Variants in ANO2 observed in about 807,000 individuals in gnomAD.
ANO2 encodes anoctamin 2.
A neutral mutation model predicts 124.2 loss-of-function variants in ANO2; 101 were observed. The observed-to-expected ratio is 0.81, with a 90% CI of 0.69 to 0.96. The LOEUF (loss-of-function observed/expected upper bound fraction) is 0.96, where lower values mean the gene tolerates loss of function less well. Among genes scored for constraint, ANO2 ranks in the 40% least tolerant of loss-of-function variants. The pLI is 0.00. For synonymous variants in ANO2, 486 were observed against 482.5 expected (o/e 1.01, Z -0.09); for missense variants, 1,293 against 1,274.5 (o/e 1.01, Z -0.22).
At chr12:5,770,859 C>T (rs929672490) in intron 10 of ANO2, among the ~76,000 whole-genome samples, 1 of 152,220 alleles carries the variant, frequency 6.6e-6, no homozygotes, top group African/African-American at 2.4e-5. Context: ...AGACACACCA[C>T]ACCTGCTCCC....
chr12:5,578,265 C>T (rs891616965), intron 21 of ANO2, 101 bp downstream of exon 21: 6 of 1,484,578 alleles, frequency 4.0e-6, no homozygotes, highest in Admixed American at 4.0e-5. Flanking sequence ...GGAAGAGGGG[C>T]TTTCCCAGCC....
intron 10 of ANO2, among the ~76,000 whole-genome samples, chr12:5,794,474 T>C (rs1952787912): frequency 6.6e-6 from 1 of 151,734 alleles, no homozygotes; most frequent in East Asian, 1.9e-4. Context: ...AAACTATAAA[T>C]CCTTATACAG....
In ANO2 at chr12:5,921,491, C is replaced by G. The variant is rs575376259; in HGVS notation, c.208-125G>C. The stretch of plus-strand genomic sequence containing the variant: ...GAAGCAAGCCTCTCAGGCCCAAAGG[C>G]CCCCAGTGCCCCCAGTAAAAGGACC... On this transcript the variant is annotated intron_variant, in intron 2 of 24. Transcript: ENST00000682330. 176 of 851,462 alleles carry G rather than the reference C, an allele frequency of 2.1e-4. No homozygotes were observed. The African/African-American group carries it at 2.6e-3, about 12-fold the overall frequency. 52.7% of individuals were successfully genotyped at this position (851,462 alleles called of 1,614,324 possible). A position where few individuals can be genotyped will look rare whatever the true frequency, so the allele number is the denominator to read the frequency against.
chr12:5,762,478 A>T (rs1951769702), intron 10 of ANO2, among the ~76,000 whole-genome samples: 1 of 151,996 alleles, frequency 6.6e-6, no homozygotes, highest in East Asian at 1.9e-4. Context: ...AGTATATAAA[A>T]TGATAAGAGA....
chr12:5,593,345 G>A (rs1219027378), intron 20 of ANO2, among the ~76,000 whole-genome samples: 1 of 152,146 alleles, frequency 6.6e-6, no homozygotes, highest in East Asian at 1.9e-4. Context: ...ATGACTAGAG[G>A]AACAAAAGCT....
intron 16 of ANO2, among the ~76,000 whole-genome samples, chr12:5,633,022 C>T (rs1591781314): frequency 6.6e-6 from 1 of 152,304 alleles, no homozygotes; most frequent in East Asian, 1.9e-4. Flanking sequence ...AGATCAGGAC[C>T]ACATGGAGCG....
intron 19 of ANO2, among the ~76,000 whole-genome samples, chr12:5,607,381 A>G (rs892357120): frequency 9.9e-5 from 15 of 151,984 alleles, no homozygotes; most frequent in Non-Finnish European, 4.4e-5. Context: ...CTAAGCATTT[A>G]TCCAAGCTGG....
chr12:5,922,599 C>T (rs1286287227), intron 2 of ANO2, 21 bp downstream of exon 2: 4 of 1,504,148 alleles, frequency 2.7e-6, no homozygotes, highest in South Asian at 1.2e-5. Context: ...TCCCCCCACC[C>T]CACCCCCGCC....
Position 5,658,457 on chromosome 12 carries a change from TC to T in ANO2, c.1546-10657del, listed in dbSNP as rs1734492641. Among the ~76,000 whole-genome samples the T allele has an allele frequency of 1.3e-5, 2 of 151,972 alleles. No homozygotes were observed. Among genetic ancestry groups the T allele is most frequent in the South Asian group, 4.2e-4 (2 of 4,818 alleles). ...AAAATTAACATAATCATCAACATCA[TC>T]ATCATATCATCACTATCATCATCAT... On this transcript the variant is annotated intron_variant, in intron 14 of 24. Transcript: ENST00000682330. This position sits in a 1 kb window ranked among gnomAD's most constrained non-coding sequence, Gnocchi z 4.3.
At chr12:5,802,597 A>G (rs1953075423) in intron 9 of ANO2, among the ~76,000 whole-genome samples, 1 of 151,996 alleles carries the variant, frequency 6.6e-6, no homozygotes, top group African/African-American at 2.4e-5. Context: ...AGGGACCAGC[A>G]CTCAGGGTGA....
At chr12:5,897,280 A>T (rs1208163487) in intron 3 of ANO2, among the ~76,000 whole-genome samples, 5 of 152,180 alleles carry the variant, frequency 3.3e-5, no homozygotes, top group African/African-American at 1.2e-4. Flanking sequence ...TCCAACAGGA[A>T]GGAATGTCCT....
chr12:5,612,955 A>G lies in ANO2; in HGVS notation c.1932T>C (p.Phe644=), dbSNP rs1410022223. The G allele has an allele frequency of 3.7e-6, 6 of 1,613,846 alleles. No homozygotes were observed. Among genetic ancestry groups the G allele is most frequent in the African/African-American group, 1.3e-5 (1 of 74,908 alleles). Residue 644 remains phenylalanine (F), a synonymous_variant, in exon 18 of 25, where the codon TTT becomes TTC. Coordinates refer to ENST00000682330, the MANE Select transcript of ANO2 (RefSeq NM_001364791.2). ...AGACGTAGCTTCCAGGCCTGCCCAC[A>G]AACCTGAAATCAAACAGTGTGGGAA... ...IFYVAFFKGR[F]VGRPGSYVYV...
chr12:5,597,256 C>T (rs1399398058), intron 20 of ANO2, among the ~76,000 whole-genome samples: 2 of 152,130 alleles, frequency 1.3e-5, no homozygotes, highest in Non-Finnish European at 2.9e-5. Context: ...TTCTCATCCC[C>T]ACCCTCTGAT....
intron 14 of ANO2, among the ~76,000 whole-genome samples, chr12:5,699,072 A>G (rs527345262): frequency 6.6e-6 from 1 of 152,220 alleles, no homozygotes; most frequent in African/African-American, 2.4e-5. Context: ...CCAACATTCA[A>G]ATTCAGGAAA....
At chr12:5,599,769 T>A in intron 19 of ANO2, 140 bp from the exon 20 acceptor site, 1 of 934,318 alleles carries the variant, frequency 1.1e-6, no homozygotes, top group Non-Finnish European at 1.6e-6. Context: ...AGAGAGACAC[T>A]AAAGAGACTA....
At chr12:5,574,861 G>T (rs1331309244) in intron 23 of ANO2, among the ~76,000 whole-genome samples, 1 of 152,122 alleles carries the variant, frequency 6.6e-6, no homozygotes. Flanking sequence ...TAGATTTCAG[G>T]ACTTCCCATT....
intron 10 of ANO2, among the ~76,000 whole-genome samples, chr12:5,761,024 G>C (rs1358836596): frequency 7.1e-6 from 1 of 140,086 alleles, no homozygotes; most frequent in African/African-American, 2.7e-5. Context: ...AACTTCATCA[G>C]CTCCAGGACG....
At chr12:5,850,648 C>T (rs1177259138) in intron 4 of ANO2, among the ~76,000 whole-genome samples, 1 of 152,128 alleles carries the variant, frequency 6.6e-6, no homozygotes, top group South Asian at 2.1e-4. Flanking sequence ...CTACTTGACA[C>T]AGTATCCCAT....
intron 4 of ANO2, chr12:5,851,853 C>A: frequency 1.4e-6 from 1 of 696,088 alleles, no homozygotes; most frequent in Middle Eastern, 2.3e-4. Context: ...AATAAGCAAG[C>A]GGAGGTTGAA....
Sources: allele counts gnomAD v4.1 joint callset (sites outside exome capture counted in the v4.1 genomes callset), GRCh38; gene constraint gnomAD v4.1.1; non-coding constraint Gnocchi (gnomAD v3.1); transcripts MANE v1.5; gene names NCBI Gene and HGNC (gene_info 2026-07-23, HGNC 2026-07-21).